Variants in COL5A1 observed in about 807,000 individuals in gnomAD.
COL5A1 encodes the protein collagen alpha-1(V) chain.
COL5A1 carries 16 observed loss-of-function variants against 263.7 expected under a neutral mutation model. The observed-to-expected ratio is 0.06, with a 90% CI of 0.04 to 0.09. COL5A1 has a LOEUF of 0.09. Ranked by LOEUF, COL5A1 falls within the 10% of genes least tolerant of loss-of-function variation. The probability of loss-of-function intolerance (pLI) is 1.00; values close to 1 mark genes in which losing one functional copy is unlikely to be tolerated. For synonymous variants in COL5A1, 1,012 were observed against 1,004.5 expected (o/e 1.01, Z -0.14); for missense variants, 2,036 against 2,540.5 (o/e 0.80, Z 4.27).
At chr9:134,736,437 C>T (rs528938879) in intron 9 of COL5A1, among the ~76,000 whole-genome samples, 2 of 152,222 alleles carry the variant, frequency 1.3e-5, no homozygotes, top group South Asian at 2.1e-4. Flanking sequence ...CCCACCCTAA[C>T]GAGCCCGCTC....
At chr9:134,664,318 G>A (rs1042928781) in intron 1 of COL5A1, among the ~76,000 whole-genome samples, 6 of 152,142 alleles carry the variant, frequency 3.9e-5, no homozygotes, top group Admixed American at 6.5e-5. Context: ...AAGCTTTTCC[G>A]AGTATGACGT....
At chr9:134,809,990 G>A (rs2132840548) in intron 43 of COL5A1, among the ~76,000 whole-genome samples, 1 of 152,342 alleles carries the variant, frequency 6.6e-6, no homozygotes, top group South Asian at 2.1e-4. Flanking sequence ...TTGAAAAACA[G>A]AGTAAATATT....
At chr9:134,664,609 G>A (rs1832302809) in intron 1 of COL5A1, among the ~76,000 whole-genome samples, 1 of 152,244 alleles carries the variant, frequency 6.6e-6, no homozygotes, top group Admixed American at 6.5e-5. Flanking sequence ...CACAAGGAGA[G>A]AATGGAGGTG....
rs368113431 is a variant in COL5A1, at chr9:134,820,172, C to T, written c.4503C>T (p.Gly1501=). Residue 1501 remains glycine, a synonymous_variant, in exon 58 of 66, where the codon GGC becomes GGT. Transcript: ENST00000371817. ...IGPPGEQGEK[G]DRGLPGPQGS... ...CTCCGGGTGAACAGGGTGAGAAGGGCGACCGTGGTCTCCCTGGCCCCCAGG... is the reference window on the plus strand; with the variant it reads ...CTCCGGGTGAACAGGGTGAGAAGGGTGACCGTGGTCTCCCTGGCCCCCAGG... 1.9e-5 allele frequency: 30 copies of T among 1,613,858 alleles called. No individual in the cohort carries two copies. Among genetic ancestry groups the T allele is most frequent in the African/African-American group, 1.1e-4 (8 of 74,942 alleles).
At chr9:134,839,233 C>T (rs1477261442) in intron 65 of COL5A1, among the ~76,000 whole-genome samples, 2 of 152,216 alleles carry the variant, frequency 1.3e-5, no homozygotes, top group Non-Finnish European at 2.9e-5. Flanking sequence ...CACCCCGCCG[C>T]ATAAATCCTG....
intron 4 of COL5A1, chr9:134,708,459 C>T (rs754788920): frequency 8.4e-5 from 37 of 440,224 alleles, no homozygotes; most frequent in Admixed American, 4.5e-4. Context: ...ACACAGGACA[C>T]TGTCACCCTT....
rs886063671 is a variant in COL5A1 at position 134,641,909 on chromosome 9, T to TGGAGGA, written c.-264_-259dup. 2.2e-5 allele frequency: 8 copies of TGGAGGA among 369,646 alleles called. No individual in the cohort carries two copies. Among genetic ancestry groups the TGGAGGA allele is most frequent in the East Asian group, 7.8e-5 (2 of 25,580 alleles). 22.9% of individuals were successfully genotyped at this position (369,646 alleles called of 1,614,324 possible). On this transcript the variant is annotated 5_prime_UTR_variant, in exon 1 of 66. Transcript: ENST00000371817. ...CGGCGAGGAGGAGGCGAGAAGGAGTTGGAGGAGGAGGAGGAGGAGGCGAGG... is the reference window on the plus strand; with the variant it reads ...CGGCGAGGAGGAGGCGAGAAGGAGTTGGAGGAGGAGGAGGAGGAGGAGGAGGCGAGG...
At chr9:134,759,834 C>CCA (rs1554794175) in intron 18 of COL5A1, among the ~76,000 whole-genome samples, 1 of 70,622 alleles carries the variant, frequency 1.4e-5, no homozygotes, top group African/African-American at 9.0e-5. Context: ...CCACACCCCC[C>CCA]CACTCACGCA....
chr9:134,831,635 G>A (rs556996517), intron 64 of COL5A1, among the ~76,000 whole-genome samples: 7 of 152,306 alleles, frequency 4.6e-5, no homozygotes, highest in East Asian at 3.9e-4. Flanking sequence ...GCAGTCTTGC[G>A]GGTAGTTACC....
chr9:134,691,052 A>G lies in COL5A1; in HGVS notation c.250A>G (p.Ser84Gly). Residue 84 changes from serine (S) to glycine (G), a missense_variant, in exon 2 of 66, where the codon AGC (serine) becomes GGC (glycine). By Grantham distance (56) the Ser-to-Gly change is moderately conservative. This residue lies in a region of COL5A1 where 600 missense variants were observed against 634.5 expected (regional missense o/e 0.95). Coordinates refer to ENST00000371817, the MANE Select transcript of COL5A1 (RefSeq NM_000093.5). The stretch of plus-strand genomic sequence containing the variant: ...CAGAGTCACCAAAGACGCGCAGCTC[A>G]GCGCACCCACCAAGCAGCTGTACCC... ...AYRVTKDAQL[S>G]APTKQLYPAS... 1 of 1,613,456 alleles carries G rather than the reference A, an allele frequency of 6.2e-7. No homozygotes were observed. The highest frequency in any genetic ancestry group is 8.5e-7 in the Non-Finnish European group (1 of 1,179,998).
At chr9:134,671,566 G>A (rs1291295187) in intron 1 of COL5A1, among the ~76,000 whole-genome samples, 1 of 152,192 alleles carries the variant, frequency 6.6e-6, no homozygotes, top group Non-Finnish European at 1.5e-5. Context: ...TAATTTCAGA[G>A]CTGAGTCAGC....
At chr9:134,675,977 C>T (rs1201607222) in intron 1 of COL5A1, among the ~76,000 whole-genome samples, 3 of 152,192 alleles carry the variant, frequency 2.0e-5, no homozygotes, top group Admixed American at 6.5e-5. Context: ...AGACCCCACC[C>T]CTTGATGGGC....
At chr9:134,661,293 A>T (rs1015347728) in intron 1 of COL5A1, among the ~76,000 whole-genome samples, 1 of 151,492 alleles carries the variant, frequency 6.6e-6, no homozygotes, top group Non-Finnish European at 1.5e-5. Context: ...TCTGACATTA[A>T]TCTGGGCTCA....
intron 4 of COL5A1, among the ~76,000 whole-genome samples, chr9:134,720,846 G>A (rs901041591): frequency 2.0e-5 from 3 of 152,184 alleles, no homozygotes; most frequent in African/African-American, 7.2e-5. Flanking sequence ...AAGGAGGAGT[G>A]CAGGCTCAGG....
intron 64 of COL5A1, among the ~76,000 whole-genome samples, chr9:134,833,703 C>T (rs1162828582): frequency 6.6e-6 from 1 of 152,224 alleles, no homozygotes; most frequent in Non-Finnish European, 1.5e-5. Context: ...CACCTCACTA[C>T]AGCTGGCCCG....
intron 65 of COL5A1, 81 bp downstream of exon 65, chr9:134,835,285 C>G: frequency 7.9e-7 from 1 of 1,272,684 alleles, no homozygotes; most frequent in Non-Finnish European, 1.1e-6. Flanking sequence ...GTTTACCTGT[C>G]CCCAAGATGC....
Position 134,716,463 on chromosome 9 carries a change from T to G in COL5A1, c.655-10803T>G, listed in dbSNP as rs2132610876. Among the ~76,000 whole-genome samples, 1 of 152,232 alleles carries G rather than the reference T, an allele frequency of 6.6e-6. No homozygotes were observed. Among genetic ancestry groups the G allele is most frequent in the East Asian group, 1.9e-4 (1 of 5,166 alleles). ...AGGCCCGCTGCTCCGAAAGTCAAGA[T>G]GTGGAGAAGGAGCAGCTCAAGCGTG... On this transcript the variant is annotated intron_variant, in intron 4 of 65. Transcript: ENST00000371817. The surrounding 1 kb of genome is among the most constrained non-coding windows in gnomAD (Gnocchi z 4.5).
intron 4 of COL5A1, among the ~76,000 whole-genome samples, chr9:134,706,565 C>A (rs950905077): frequency 2.0e-5 from 3 of 152,184 alleles, no homozygotes; most frequent in African/African-American, 7.2e-5. Flanking sequence ...CACTTCATAG[C>A]TTGGGAAGCC....
chr9:134,772,909 G>A, intron 26 of COL5A1, 75 bp downstream of exon 26: 1 of 1,440,778 alleles, frequency 6.9e-7, no homozygotes, highest in Non-Finnish European at 9.8e-7. Context: ...CTCAGCCTCT[G>A]CTCAGGGACA....
Sources: allele counts gnomAD v4.1 joint callset (sites outside exome capture counted in the v4.1 genomes callset), GRCh38; gene constraint gnomAD v4.1.1; regional missense constraint gnomAD v4.1.1; non-coding constraint Gnocchi (gnomAD v3.1); transcripts MANE v1.5; gene names NCBI Gene and HGNC (gene_info 2026-07-23, HGNC 2026-07-21).